Variants in SCARB1 observed in about 807,000 individuals in gnomAD.
SCARB1 encodes the protein scavenger receptor class B member 1.
A neutral mutation model predicts 57.2 loss-of-function variants in SCARB1; 30 were observed. The ratio of observed to expected loss-of-function variants is 0.52; its 90% CI spans 0.39 to 0.71. The LOEUF is 0.71. Ranked by LOEUF, SCARB1 falls within the 30% of genes least tolerant of loss-of-function variation. The pLI is 0.00. For missense variants in SCARB1, 543 were observed against 671.2 expected (o/e 0.81, Z 2.11); for synonymous variants, 249 against 268.3 (o/e 0.93, Z 0.70).
Position 124,817,857 on chromosome 12 carries a change from A to G in SCARB1, c.127-150T>C. On this transcript the variant is annotated intron_variant, in intron 1 of 12. Coordinates refer to ENST00000261693, the MANE Select transcript of SCARB1 (RefSeq NM_005505.5). This position sits in a 1 kb window ranked among gnomAD's most constrained non-coding sequence, Gnocchi z 4.8. ...AGGAGGTGGTGGGAAAGCCCTTCGC[A>G]CATGAGGCTGTCGCACCTGGAGCTT... 1 of 816,032 alleles carries G rather than the reference A, an allele frequency of 1.2e-6. No individual in the cohort carries two copies. The highest frequency in any genetic ancestry group is 1.4e-5 in the South Asian group (1 of 72,994). The allele number at this position is 816,032 out of a possible 1,614,324, so 50.5% of individuals were successfully genotyped here.
rs80173319 is a variant in SCARB1 at position 124,855,998 on chromosome 12, G to A, written c.126+7597C>T. On this transcript the variant is annotated intron_variant, in intron 1 of 12. Transcript: ENST00000261693. Reference sequence around the variant, plus strand: ...TAGAAACCAAAGGCCAGGGTAAGGCGATTCCAGGTGGCTGAGCTTCGCCAC... The same window carrying A: ...TAGAAACCAAAGGCCAGGGTAAGGCAATTCCAGGTGGCTGAGCTTCGCCAC... 3.2e-3 allele frequency among the ~76,000 whole-genome samples: 495 copies of A among 152,356 alleles called. 2 individuals carry two copies. Among genetic ancestry groups the A allele is most frequent in the African/African-American group, 0.012 (491 of 41,584 alleles).
chr12:124,800,752 C>T lies in SCARB1; in HGVS notation c.1010-510G>A, dbSNP rs1950100227. Among the ~76,000 whole-genome samples, 1 of 152,210 alleles carries T rather than the reference C, an allele frequency of 6.6e-6. No homozygotes were observed. Among genetic ancestry groups the T allele is most frequent in the Admixed American group, 6.5e-5 (1 of 15,286 alleles). ...TGTGTGCACCTGTGGCCAGATCTCCCTGCATCCACAGGAGTGTGTCCCTGT... is the reference window on the plus strand; with the variant it reads ...TGTGTGCACCTGTGGCCAGATCTCCTTGCATCCACAGGAGTGTGTCCCTGT... On this transcript the variant is annotated intron_variant, in intron 7 of 12. Transcript: ENST00000261693. The surrounding 1 kb of genome is among the most constrained non-coding windows in gnomAD (Gnocchi z 4.8).
chr12:124,791,785 G>A (rs1055985745), intron 9 of SCARB1, among the ~76,000 whole-genome samples: 5 of 151,948 alleles, frequency 3.3e-5, no homozygotes, highest in South Asian at 2.1e-4. Context: ...GTGAAACCCC[G>A]TCTCTACTAA....
intron 9 of SCARB1, among the ~76,000 whole-genome samples, chr12:124,791,758 C>A (rs1043567139): frequency 5.9e-5 from 9 of 151,996 alleles, no homozygotes; most frequent in Admixed American, 5.9e-4. Context: ...GAGTTTGAGA[C>A]CAGCCTGGCC....
At chr12:124,784,690 G>A (rs1245396592) in intron 11 of SCARB1, 8 of 152,460 alleles carry the variant, frequency 5.2e-5, no homozygotes, top group African/African-American at 1.7e-4. Context: ...AGAAGGCCTC[G>A]GCCTGTGGCC....
intron 9 of SCARB1, among the ~76,000 whole-genome samples, chr12:124,793,897 G>A (rs553085197): frequency 5.9e-5 from 9 of 152,270 alleles, no homozygotes; most frequent in South Asian, 4.1e-4. Context: ...CGGCCCAGGC[G>A]TGGAAACAAC....
intron 12 of SCARB1, among the ~76,000 whole-genome samples, chr12:124,780,849 G>GCCCTGACCAGC (rs1055462505): frequency 6.6e-6 from 1 of 152,030 alleles, no homozygotes; most frequent in African/African-American, 2.4e-5. Flanking sequence ...CACTGACCAG[G>GCCCTGACCAGC]CCCTGACCAG....
intron 9 of SCARB1, among the ~76,000 whole-genome samples, chr12:124,793,440 T>G (rs1470751187): frequency 2.0e-5 from 3 of 151,788 alleles, no homozygotes; most frequent in Non-Finnish European, 4.4e-5. Flanking sequence ...ACGCCTGTAA[T>G]CCCAGCACTT....
rs750135396 is a variant in SCARB1 at position 124,817,516 on chromosome 12, C to A, written c.284+34G>T. The A allele has an allele frequency of 6.2e-7, 1 of 1,610,050 alleles. No individual in the cohort carries two copies. On this transcript the variant is annotated intron_variant, in intron 2 of 12. Coordinates refer to ENST00000261693, the MANE Select transcript of SCARB1 (RefSeq NM_005505.5). The surrounding 1 kb of genome is among the most constrained non-coding windows in gnomAD (Gnocchi z 4.8). ...GACCCCTCCCCTGCCCAGCCTCAGC[C>A]GGCCCCTCCACCCTCACCTGGACAC...
chr12:124,794,918 G>A (rs956755124), intron 9 of SCARB1, among the ~76,000 whole-genome samples: 1 of 152,044 alleles, frequency 6.6e-6, no homozygotes. Context: ...CAACAAGAGC[G>A]AGACTCCATC....
chr12:124,781,546 A>T (rs539317244), intron 12 of SCARB1, among the ~76,000 whole-genome samples: 18 of 152,294 alleles, frequency 1.2e-4, no homozygotes, highest in African/African-American at 4.1e-4. Flanking sequence ...GCCCTACAGG[A>T]ACCTGGCCAA....
rs1949662692 is a variant in SCARB1, at chr12:124,789,968, G to C, written c.1203-2511C>G. The stretch of plus-strand genomic sequence containing the variant: ...AGAGGTTGCAGTGAGCGGAGATCAT[G>C]CCATTGCACTCCAGCCTGGCGACAG... On this transcript the variant is annotated intron_variant, in intron 9 of 12. Transcript: ENST00000261693. The surrounding 1 kb of genome is among the most constrained non-coding windows in gnomAD (Gnocchi z 4.4). 6.9e-6 allele frequency among the ~76,000 whole-genome samples: 1 copy of C among 144,394 alleles called. No homozygotes were observed. The highest frequency in any genetic ancestry group is 1.5e-5 in the Non-Finnish European group (1 of 67,740). 94.7% of individuals were successfully genotyped at this position (144,394 alleles called of 152,430 possible). A position where few individuals can be genotyped will look rare whatever the true frequency, so the allele number is the denominator to read the frequency against.
rs778021860 is a variant in SCARB1, at chr12:124,782,736, A to T, written c.1477T>A (p.Ser493Thr). Residue 493 changes from serine to threonine, a missense_variant, in exon 12 of 13, where the codon TCC (serine) becomes ACC (threonine). By Grantham distance (58) the Ser-to-Thr change is moderately conservative (BLOSUM62 1). Transcript: ENST00000261693. ...CCCTTGGGAGCTGATGTCATCAGGG[A>T]TTCAGAATAGGCCTGAATGGCCTCC... The part of the protein sequence containing the change: ...DKEAIQAYSE[S>T]LMTSAPKGSV... 1 of 1,613,968 alleles carries T rather than the reference A, an allele frequency of 6.2e-7. No individual in the cohort carries two copies.
chr12:124,782,554 T>C (rs1453264089), intron 12 of SCARB1, 129 bp downstream of exon 12: 11 of 906,848 alleles, frequency 1.2e-5, no homozygotes, highest in Non-Finnish European at 1.9e-5. Context: ...ATATGCATCT[T>C]CAGTCTGTAG....
At chr12:124,787,737 G>A (rs1454660708) in intron 9 of SCARB1, among the ~76,000 whole-genome samples, 1 of 151,382 alleles carries the variant, frequency 6.6e-6, no homozygotes, top group Non-Finnish European at 1.5e-5. Flanking sequence ...TAGTTGACAA[G>A]GTGAGATGTT....
chr12:124,848,563 G>A (rs994457748), intron 1 of SCARB1, among the ~76,000 whole-genome samples: 2 of 152,166 alleles, frequency 1.3e-5, no homozygotes, highest in African/African-American at 2.4e-5. Flanking sequence ...GCTCAGCAAC[G>A]AGAGAGAGAG....
chr12:124,842,009 G>C (rs970437207), intron 1 of SCARB1, among the ~76,000 whole-genome samples: 2 of 152,310 alleles, frequency 1.3e-5, no homozygotes, highest in East Asian at 3.9e-4. Context: ...AGGATGAGTA[G>C]CTTTCCCTGC....
chr12:124,824,790 C>T (rs1249830627), intron 1 of SCARB1, among the ~76,000 whole-genome samples: 1 of 152,234 alleles, frequency 6.6e-6, no homozygotes, highest in African/African-American at 2.4e-5. Flanking sequence ...CTTCCCAGCT[C>T]CTGCCAGGCT....
chr12:124,802,399 T>A (rs1950166548), intron 7 of SCARB1, among the ~76,000 whole-genome samples: 1 of 152,050 alleles, frequency 6.6e-6, no homozygotes, highest in Admixed American at 6.6e-5. Flanking sequence ...CACTCTCACC[T>A]CCTTGGACCT....
Sources: gnomAD v4.1 joint callset for allele counts (sites outside exome capture counted in the v4.1 genomes callset) on GRCh38, gnomAD v4.1.1 for gene constraint, Gnocchi (gnomAD v3.1) non-coding constraint, MANE v1.5 for transcripts, NCBI Gene and HGNC (gene_info 2026-07-23, HGNC 2026-07-21) for gene names.